Variants in IL17REL observed in about 807,000 individuals in gnomAD.
IL17REL encodes interleukin-17 receptor E-like protein.
IL17REL carries 36 observed loss-of-function variants against 49.0 expected under a neutral mutation model. The observed-to-expected ratio is 0.73, with a 90% CI of 0.56 to 0.97. The LOEUF is 0.97. Ranked by LOEUF, IL17REL falls within the 50% of genes least tolerant of loss-of-function variation. The pLI is 0.00. For synonymous variants in IL17REL, 206 were observed against 192.4 expected, an observed-to-expected ratio of 1.07 and a Z score of -0.58; for missense variants, 470 against 453.9, an observed-to-expected ratio of 1.04 and a Z score of -0.32.
Position 50,004,706 on chromosome 22 carries a change from C to T in IL17REL, c.-41-3475G>A, listed in dbSNP as rs12159928. On this transcript the variant is annotated intron_variant, in intron 1 of 12. Coordinates refer to ENST00000341280, the Ensembl canonical transcript of IL17REL. ...TGAAACCCTGTCTCTACTAAAAATA[C>T]AAAAATTTGCCAGGTGTGGTGGTAC... is the stretch of plus-strand genomic sequence containing the variant. 1.5e-3 allele frequency among the ~76,000 whole-genome samples: 225 copies of T among 151,222 alleles called. 1 individual carries two copies. The highest frequency in any genetic ancestry group is 5.3e-3 in the African/African-American group (219 of 41,428).
At chr22:50,012,157 G>A (rs12161089), upstream of IL17REL, among the ~76,000 whole-genome samples, 1,168 of 152,296 alleles carry the variant, frequency 7.7e-3, 19 homozygotes, top group African/African-American at 0.027. Context: ...TTCTCAGCAC[G>A]TTCTCCGAGT....
exon 1 of IL17REL, chr22:50,008,663 C>A: frequency 6.6e-6 from 1 of 152,514 alleles, no homozygotes. Context: ...GCAGGCAAAG[C>A]CCTGGGGACA....
upstream of IL17REL, among the ~76,000 whole-genome samples, chr22:50,012,128 C>G (rs2146767954): frequency 6.6e-6 from 1 of 152,310 alleles, no homozygotes; most frequent in East Asian, 1.9e-4. Context: ...ACCCAGCCAC[C>G]TCCACTGCCA....
intron 7 of IL17REL, among the ~76,000 whole-genome samples, chr22:49,998,719 G>A (rs984077790): frequency 4.7e-5 from 7 of 150,446 alleles, no homozygotes; most frequent in African/African-American, 1.7e-4. Context: ...ATGTGTACGT[G>A]TTTGCATGTG....
Position 50,006,743 on chromosome 22 carries a change from A to G in IL17REL, c.-42+1894T>C, listed in dbSNP as rs981952126. On this transcript the variant is annotated intron_variant, in intron 1 of 12. Coordinates refer to ENST00000341280, the Ensembl canonical transcript of IL17REL. The stretch of plus-strand genomic sequence containing the variant: ...CCGAGGCGGGCGGATCATGAGGTCA[A>G]GAGATCGAGACCAGCCTGGCCAACA... 7.2e-5 allele frequency among the ~76,000 whole-genome samples: 11 copies of G among 152,112 alleles called. No homozygotes were observed. In the East Asian group the frequency reaches 7.8e-4, roughly 11 times the overall value.
At chr22:49,999,499 T>A in exon 6 of IL17REL, 1 of 1,540,656 alleles carries the variant, frequency 6.5e-7, no homozygotes, top group Non-Finnish European at 8.8e-7. Flanking sequence ...CTGTTGGCGG[T>A]CACCTGCAAC....
At chr22:49,996,729 C>A in exon 13 of IL17REL, 1 of 411,748 alleles carries the variant, frequency 2.4e-6, no homozygotes. Flanking sequence ...TCAGTGCACG[C>A]CACGCCCAGC....
chr22:50,008,362 G>A (rs1416335842), intron 1 of IL17REL, among the ~76,000 whole-genome samples: 1 of 152,208 alleles, frequency 6.6e-6, no homozygotes, highest in Non-Finnish European at 1.5e-5. Context: ...CTGGGCGGCC[G>A]GTTTGGAACG....
At chr22:49,993,006 C>T (rs1167347111), downstream of IL17REL, among the ~76,000 whole-genome samples, 1 of 152,212 alleles carries the variant, frequency 6.6e-6, no homozygotes, top group East Asian at 1.9e-4. The surrounding 1 kb of genome is among the most constrained non-coding windows in gnomAD (Gnocchi z 6.0). Flanking sequence ...CACGCCCCCT[C>T]GCTTACTTAT....
upstream of IL17REL, among the ~76,000 whole-genome samples, chr22:50,010,851 T>C (rs1480679942): frequency 6.1e-5 from 9 of 148,054 alleles, no homozygotes; most frequent in Non-Finnish European, 1.2e-4. Flanking sequence ...GCTGGGCGCC[T>C]CCCCCGCACG....
chr22:50,002,332 C>T (rs577196792), intron 1 of IL17REL, among the ~76,000 whole-genome samples: 1 of 152,276 alleles, frequency 6.6e-6, no homozygotes, highest in South Asian at 2.1e-4. Context: ...CTCCTTACTC[C>T]ATTATTTTTT....
upstream of IL17REL, among the ~76,000 whole-genome samples, chr22:50,010,728 G>A (rs907053225): frequency 6.6e-6 from 1 of 152,092 alleles, no homozygotes; most frequent in African/African-American, 2.4e-5. Flanking sequence ...TGTCGGGGGC[G>A]CGGAACGTCG....
chr22:49,997,339 C>T, exon 11 of IL17REL: 1 of 1,613,678 alleles, frequency 6.2e-7, no homozygotes, highest in Non-Finnish European at 8.5e-7. Flanking sequence ...AGGGAGCGGG[C>T]TGGCCTGGAG....
At chr22:50,003,031 T>G (rs1455793081) in intron 1 of IL17REL, among the ~76,000 whole-genome samples, 1 of 151,986 alleles carries the variant, frequency 6.6e-6, no homozygotes, top group Non-Finnish European at 1.5e-5. Context: ...TGGGGGTGGA[T>G]CCCAAGTGGA....
At chr22:49,996,079 G>A (rs1232453870) in exon 13 of IL17REL, 1 of 152,550 alleles carries the variant, frequency 6.6e-6, no homozygotes, top group East Asian at 1.9e-4. Flanking sequence ...GTACTGCCAC[G>A]GCCCTGGGCA....
At chr22:50,000,229 C>T (rs1461568971) in intron 4 of IL17REL, among the ~76,000 whole-genome samples, 1 of 152,250 alleles carries the variant, frequency 6.6e-6, no homozygotes, top group Admixed American at 6.5e-5. Context: ...CCCACGTCCT[C>T]CTCTCCGCAG....
rs374977841 is a variant in IL17REL at position 49,999,195 on chromosome 22, T to C, written c.601+96A>G. 459 of 1,446,974 alleles carry C rather than the reference T, an allele frequency of 3.2e-4. 2 individuals carry two copies. The African/African-American group carries it at 5.7e-3, about 18-fold the overall frequency. The allele number at this position is 1,446,974 out of a possible 1,614,324, so 89.6% of individuals were successfully genotyped here. A position where few individuals can be genotyped will look rare whatever the true frequency, so the allele number is the denominator to read the frequency against. On this transcript the variant is annotated intron_variant, in intron 7 of 12. Transcript: ENST00000341280. The stretch of plus-strand genomic sequence containing the variant: ...GCTCAGGGATTTAGGCTGGGCCTGC[T>C]CCTTATCTCATCCCCCCACGTCAGT...
intron 1 of IL17REL, among the ~76,000 whole-genome samples, chr22:50,002,641 C>T (rs756350343): frequency 3.3e-5 from 5 of 152,020 alleles, no homozygotes; most frequent in Non-Finnish European, 5.9e-5. Flanking sequence ...ATTACAGGCA[C>T]GCACCACCAC....
At chr22:50,001,429 CT>C (rs1166553220) in intron 1 of IL17REL, among the ~76,000 whole-genome samples, 198 bp from the exon 3 acceptor site, 2 of 152,182 alleles carry the variant, frequency 1.3e-5, no homozygotes, top group Non-Finnish European at 2.9e-5. Context: ...TCCAAAATGT[CT>C]GTGGGACCCC....
Sources: gnomAD v4.1 joint callset for allele counts (sites outside exome capture counted in the v4.1 genomes callset) on GRCh38, gnomAD v4.1.1 for gene constraint, Gnocchi (gnomAD v3.1) non-coding constraint, MANE v1.5 for transcripts, NCBI Gene and HGNC (gene_info 2026-07-23, HGNC 2026-07-21) for gene names.